The following C2CD5 variants were observed in gnomAD, a reference collection of about 807,000 sequenced individuals.
C2CD5 encodes the protein C2 calcium dependent domain containing 5.
A neutral mutation model predicts 130.3 loss-of-function variants in C2CD5; 109 were observed. The observed-to-expected ratio is 0.84, with a 90% CI of 0.72 to 0.98. The LOEUF (loss-of-function observed/expected upper bound fraction) is 0.98, where lower values mean the gene tolerates loss of function less well. C2CD5 is among the 50% of genes least tolerant of loss of function. The pLI is 0.00. For synonymous variants in C2CD5, 454 were observed against 429.2 expected (o/e 1.06, Z -0.71); for missense variants, 996 against 1,261.8 (o/e 0.79, Z 3.19).
chr12:22,468,624 A>G (rs756285539), intron 22 of C2CD5, among the ~76,000 whole-genome samples: 5 of 152,172 alleles, frequency 3.3e-5, no homozygotes, highest in Admixed American at 1.3e-4. Context: ...TATTCTTTCA[A>G]GGACATTGAG....
intron 14 of C2CD5, among the ~76,000 whole-genome samples, chr12:22,480,836 G>A (rs1944604209): frequency 6.7e-6 from 1 of 149,814 alleles, no homozygotes; most frequent in East Asian, 2.0e-4. Context: ...AGGGTCTCTC[G>A]CTCTGTCAGC....
At chr12:22,509,449 C>T (rs974274249) in intron 9 of C2CD5, among the ~76,000 whole-genome samples, 2 of 152,140 alleles carry the variant, frequency 1.3e-5, no homozygotes, top group Non-Finnish European at 2.9e-5. Flanking sequence ...ACACACAGGG[C>T]GATGGCTGCC....
At chr12:22,515,984 G>T (rs1591944706) in intron 8 of C2CD5, among the ~76,000 whole-genome samples, 1 of 147,554 alleles carries the variant, frequency 6.8e-6, no homozygotes, top group Non-Finnish European at 1.5e-5. Context: ...AGTATCTACA[G>T]AAATATAAAA....
At chr12:22,527,465 T>A (rs2137089390) in intron 4 of C2CD5, among the ~76,000 whole-genome samples, 1 of 151,664 alleles carries the variant, frequency 6.6e-6, no homozygotes, top group South Asian at 2.1e-4. Flanking sequence ...ATTACAGGCA[T>A]GCACCACCAT....
Position 22,544,114 on chromosome 12 carries a change from G to A in C2CD5, c.37C>T (p.Arg13Cys), listed in dbSNP as rs945922720. The change falls in exon 2 of 27, where the codon CGC (arginine) becomes TGC (cysteine). Residue 13 changes from arginine (R) to cysteine (C), a missense_variant. By Grantham distance (180) the Arg-to-Cys change is radical. Around this residue, in one of 9 missense-constraint regions of C2CD5, gnomAD observed 68 missense variants for 154.5 expected, o/e 0.44. Coordinates refer to ENST00000446597, the MANE Select transcript of C2CD5 (RefSeq NM_001286176.2). ...GKLKVKIVAG[R>C]HLPVMDRASD... The stretch of plus-strand genomic sequence containing the variant: ...GCACGGTCCATCACTGGCAAATGGC[G>A]CCCGGCCACGATTTTCACCTTCAGC... 6.2e-7 allele frequency: 1 copy of A among 1,613,962 alleles called. No homozygotes were observed. Among genetic ancestry groups the A allele is most frequent in the African/African-American group, 1.3e-5 (1 of 74,990 alleles).
intron 10 of C2CD5, among the ~76,000 whole-genome samples, chr12:22,499,561 A>G (rs1057320804): frequency 2.6e-5 from 4 of 151,840 alleles, no homozygotes; most frequent in Non-Finnish European, 5.9e-5. Flanking sequence ...CACCACCAAA[A>G]CCTAGGTTAC....
intron 2 of C2CD5, among the ~76,000 whole-genome samples, chr12:22,539,108 C>T (rs1421550495): frequency 6.6e-6 from 1 of 152,116 alleles, no homozygotes; most frequent in Non-Finnish European, 1.5e-5. Flanking sequence ...CATCTTGAAA[C>T]AGTTGCCTAT....
rs1565646584 is a variant in C2CD5, at chr12:22,459,515, G to GA, written c.2560dup (p.Ser854PhefsTer13). On this transcript the variant is annotated frameshift_variant, in exon 23 of 27. Coordinates refer to ENST00000446597, the MANE Select transcript of C2CD5 (RefSeq NM_001286176.2). LOFTEE classifies it high-confidence loss of function. ...ACCTCTCTGTGCAGCTGGTATACCT[G>GA]AGTTAGAACTTGCACTCTCCAGGTG... is the stretch of plus-strand genomic sequence containing the variant. The GA allele has an allele frequency of 6.5e-7, 1 of 1,532,714 alleles. No individual in the cohort carries two copies. The highest frequency in any genetic ancestry group is 8.7e-7 in the Non-Finnish European group (1 of 1,143,964). 94.9% of individuals were successfully genotyped at this position (1,532,714 alleles called of 1,614,324 possible).
chr12:22,526,922 G>C (rs1163709492), intron 4 of C2CD5, among the ~76,000 whole-genome samples: 1 of 152,160 alleles, frequency 6.6e-6, no homozygotes, highest in Non-Finnish European at 1.5e-5. Context: ...GGGAAGCTGA[G>C]GCAGGCAGAT....
chr12:22,480,995 G>A, intron 14 of C2CD5, among the ~76,000 whole-genome samples: 1 of 151,952 alleles, frequency 6.6e-6, no homozygotes, highest in South Asian at 2.1e-4. Context: ...AGTAGAGATG[G>A]GGTTTCGCCC....
intron 2 of C2CD5, 62 bp downstream of exon 2, chr12:22,543,999 G>T: frequency 1.6e-6 from 2 of 1,262,978 alleles, no homozygotes; most frequent in Non-Finnish European, 2.3e-6. Flanking sequence ...GGGGCGAGGT[G>T]GGTAGATCCT....
chr12:22,483,936 A>T (rs1945093346), intron 13 of C2CD5, among the ~76,000 whole-genome samples: 1 of 152,198 alleles, frequency 6.6e-6, no homozygotes, highest in Non-Finnish European at 1.5e-5. Context: ...CTAAAGCTCA[A>T]AAGAAAGTTC....
intron 3 of C2CD5, among the ~76,000 whole-genome samples, chr12:22,532,445 T>C (rs1162677972): frequency 1.3e-5 from 2 of 152,106 alleles, no homozygotes; most frequent in East Asian, 1.9e-4. Context: ...AAAGAATTCA[T>C]GTTTGAAAAA....
At position 22,471,465 on chromosome 12, in the gene C2CD5, A is replaced by T; in HGVS notation, c.2292T>A (p.Ser764=). The change falls in exon 20 of 27, where the codon TCT becomes TCA. Residue 764 remains serine, a synonymous_variant. Transcript: ENST00000446597. Reference sequence around the variant, plus strand: ...CATGGCAAAGGCAGCAGGGGATCATAGATCGTAGTTTAAAGTACAGGCTCT... The same window carrying T: ...CATGGCAAAGGCAGCAGGGGATCATTGATCGTAGTTTAAAGTACAGGCTCT... ...LLKSLYFKLR[S]MIPCCLCHVN... The T allele has an allele frequency of 6.3e-7, 1 of 1,597,026 alleles. No homozygotes were observed. Among genetic ancestry groups the T allele is most frequent in the Non-Finnish European group, 8.6e-7 (1 of 1,165,852 alleles).
chr12:22,514,531 C>A (rs1051496593), intron 8 of C2CD5, among the ~76,000 whole-genome samples: 1 of 151,638 alleles, frequency 6.6e-6, no homozygotes, highest in Non-Finnish European at 1.5e-5. Context: ...ATAATTAATG[C>A]AACAGACAGA....
At chr12:22,497,854 T>C (rs1392266029) in intron 10 of C2CD5, among the ~76,000 whole-genome samples, 5 of 151,690 alleles carry the variant, frequency 3.3e-5, no homozygotes, top group African/African-American at 1.2e-4. Context: ...AAGTCAAATG[T>C]GCAATCTACT....
intron 22 of C2CD5, among the ~76,000 whole-genome samples, chr12:22,465,963 C>T (rs1942004647): frequency 6.6e-6 from 1 of 152,010 alleles, no homozygotes; most frequent in Non-Finnish European, 1.5e-5. Flanking sequence ...CATCAAACTA[C>T]TCTGCTACCT....
At position 22,517,992 on chromosome 12, in the gene C2CD5, T is replaced by G; in HGVS notation, c.946A>C (p.Lys316Gln). 6.2e-7 allele frequency: 1 copy of G among 1,612,492 alleles called. No homozygotes were observed. The change falls in exon 8 of 27, where the codon AAA (lysine) becomes CAA (glutamine). Residue 316 changes from lysine (K) to glutamine (Q), a missense_variant. By Grantham distance (53) the Lys-to-Gln change is moderately conservative (BLOSUM62 1). Transcript: ENST00000446597. ...SSDTDLSLTP[K>Q]TGMGSGSAGK... The stretch of plus-strand genomic sequence containing the variant: ...GTGGGTGGAAGCGCCTTACCAGTTT[T>G]GGGTGTCAAACTCAAATCTGTGTCA...
At chr12:22,515,140 T>G in intron 8 of C2CD5, 1 of 984,790 alleles carries the variant, frequency 1.0e-6, no homozygotes, top group Non-Finnish European at 1.2e-6. Flanking sequence ...TAGGTCCCTG[T>G]GGGTAAGGTG....
Sources: gnomAD v4.1 joint callset for allele counts (sites outside exome capture counted in the v4.1 genomes callset) on GRCh38, gnomAD v4.1.1 for gene constraint, gnomAD v4.1.1 regional missense constraint, MANE v1.5 for transcripts, NCBI Gene and HGNC (gene_info 2026-07-23, HGNC 2026-07-21) for gene names.